Variants in DNAH14 observed in about 807,000 individuals in gnomAD.
The protein encoded by DNAH14 is axonemal beta dynein heavy chain 14.
A neutral mutation model predicts 520.9 loss-of-function variants in DNAH14; 478 were observed. The observed-to-expected ratio is 0.92, with a 90% CI of 0.85 to 0.99. DNAH14 has a LOEUF of 0.99. DNAH14 is among the 50% of genes least tolerant of loss of function. The probability of loss-of-function intolerance (pLI) is 0.00; values close to 1 mark genes in which losing one functional copy is unlikely to be tolerated. For synonymous variants in DNAH14, 1,581 were observed against 1,757.2 expected, an observed-to-expected ratio of 0.90 and a Z score of 2.51; for missense variants, 4,831 against 5,234.5, an observed-to-expected ratio of 0.92 and a Z score of 2.38.
chr1:224,970,669 C>T (rs1041153717), intron 7 of DNAH14, among the ~76,000 whole-genome samples: 2 of 152,192 alleles, frequency 1.3e-5, no homozygotes, highest in Admixed American at 1.3e-4. Flanking sequence ...AAAGAACCTA[C>T]GTGAAATATT....
chr1:225,057,111 A>G (rs1444805492), intron 17 of DNAH14, among the ~76,000 whole-genome samples: 1 of 152,214 alleles, frequency 6.6e-6, no homozygotes, highest in African/African-American at 2.4e-5. Context: ...GAATCTATAA[A>G]TTACCTTGGG....
intron 17 of DNAH14, among the ~76,000 whole-genome samples, chr1:225,061,390 C>T (rs1360283026): frequency 6.6e-6 from 1 of 152,206 alleles, no homozygotes; most frequent in African/African-American, 2.4e-5. Context: ...GGGAGTGACC[C>T]GATTTTCCAG....
intron 7 of DNAH14, 197 bp downstream of exon 7, chr1:224,969,071 G>A (rs897322698): frequency 2.3e-6 from 1 of 429,388 alleles, no homozygotes; most frequent in Non-Finnish European, 4.2e-6. Flanking sequence ...CATTTAAGAA[G>A]CATTTTTCCT....
intron 17 of DNAH14, among the ~76,000 whole-genome samples, chr1:225,061,004 G>A (rs1466751088): frequency 1.3e-5 from 2 of 150,566 alleles, no homozygotes; most frequent in African/African-American, 2.4e-5. Flanking sequence ...CAGATCTCCA[G>A]CTGCATGCTA....
At chr1:225,369,934 T>C (rs1418255292) in intron 77 of DNAH14, among the ~76,000 whole-genome samples, 4 of 152,066 alleles carry the variant, frequency 2.6e-5, no homozygotes, top group African/African-American at 9.7e-5. Context: ...AGCTGTAATC[T>C]CAGCACTTTG....
At position 225,080,406 on chromosome 1, in the gene DNAH14, G is replaced by T; in HGVS notation, c.2794G>T (p.Gly932Cys). Residue 932 changes from glycine (G) to cysteine (C), a missense_variant, in exon 19 of 86, where the codon GGT becomes TGT. Physicochemically the swap from Gly to Cys is radical, Grantham distance 159. Coordinates refer to ENST00000682510, the MANE Select transcript of DNAH14 (RefSeq NM_001367479.1). ...AAGAACTCCTCTTCTGTTATGTGCT[G>T]GTACTCAAGTGTCAACAGCAATGGA... Reference protein sequence around the residue: ...KIRTPLLLCAGTQVSTAMEMI... With the variant: ...KIRTPLLLCACTQVSTAMEMI... The T allele has an allele frequency of 1.3e-6, 2 of 1,546,798 alleles. No individual in the cohort carries two copies.
intron 1 of DNAH14, among the ~76,000 whole-genome samples, chr1:224,945,660 G>A (rs2059758405): frequency 6.6e-6 from 1 of 152,276 alleles, no homozygotes; most frequent in Non-Finnish European, 1.5e-5. Flanking sequence ...ACGTACAGAT[G>A]GGGTTTTGGT....
intron 41 of DNAH14, among the ~76,000 whole-genome samples, chr1:225,226,783 T>C (rs1283509600): frequency 2.0e-5 from 3 of 152,150 alleles, no homozygotes; most frequent in Admixed American, 2.0e-4. Context: ...TATTTATTGA[T>C]CATTATCTCT....
intron 35 of DNAH14, among the ~76,000 whole-genome samples, chr1:225,166,465 C>T (rs947243533): frequency 3.3e-5 from 5 of 152,060 alleles, no homozygotes; most frequent in African/African-American, 2.4e-5. Flanking sequence ...TCACAAAGAT[C>T]GTAATTTAAA....
intron 84 of DNAH14, among the ~76,000 whole-genome samples, chr1:225,395,480 T>C (rs1575186810): frequency 6.6e-6 from 1 of 151,682 alleles, no homozygotes; most frequent in African/African-American, 2.4e-5. Context: ...TAGTCCCAGC[T>C]ACTCGAGAGG....
chr1:224,964,354 C>T (rs937778270), intron 4 of DNAH14, 125 bp from the exon 5 acceptor site: 44 of 1,080,286 alleles, frequency 4.1e-5, no homozygotes, highest in Non-Finnish European at 5.2e-5. Flanking sequence ...CTCTAATAAT[C>T]GTTATGTATA....
intron 64 of DNAH14, among the ~76,000 whole-genome samples, chr1:225,329,675 C>A (rs961226735): frequency 6.6e-6 from 1 of 152,130 alleles, no homozygotes. Flanking sequence ...AGACTTAAAT[C>A]TAAGACCTCA....
intron 41 of DNAH14, among the ~76,000 whole-genome samples, chr1:225,222,364 A>G (rs974161117): frequency 2.0e-5 from 3 of 152,152 alleles, no homozygotes; most frequent in African/African-American, 7.2e-5. Context: ...CAGTGGGTTC[A>G]TGGTCTCGCT....
chr1:225,056,280 A>T (rs959564512), intron 17 of DNAH14, among the ~76,000 whole-genome samples: 6 of 152,134 alleles, frequency 3.9e-5, no homozygotes, highest in South Asian at 2.1e-4. Flanking sequence ...ATTTCTCTGA[A>T]GGCCAGTGAT....
At chr1:225,101,875 A>C (rs2075499618) in intron 23 of DNAH14, among the ~76,000 whole-genome samples, 1 of 151,324 alleles carries the variant, frequency 6.6e-6, no homozygotes, top group South Asian at 2.1e-4. Flanking sequence ...GTATATACCT[A>C]ACAGTGGAAT....
intron 8 of DNAH14, among the ~76,000 whole-genome samples, chr1:224,997,341 T>C (rs1402915723): frequency 1.3e-5 from 2 of 152,150 alleles, no homozygotes; most frequent in African/African-American, 4.8e-5. Flanking sequence ...CCCTGGGAAA[T>C]TTTTTCTTTG....
chr1:225,008,575 CTTTTTT>C (rs57331050), intron 10 of DNAH14, among the ~76,000 whole-genome samples: 9 of 98,320 alleles, frequency 9.2e-5, no homozygotes, highest in Admixed American at 4.0e-4. Context: ...TTTTTCCTGA[CTTTTTT>C]TTTTTTTTTT....
chr1:225,328,192 G>A (rs551805442), intron 64 of DNAH14, among the ~76,000 whole-genome samples: 1 of 152,094 alleles, frequency 6.6e-6, no homozygotes, highest in Non-Finnish European at 1.5e-5. Context: ...AAGAGAAAAT[G>A]CCAAAAACAG....
At position 225,321,433 on chromosome 1, in the gene DNAH14, G is replaced by GA. The variant is rs577886150; in HGVS notation, c.9336-1223dup. Among the ~76,000 whole-genome samples, 7 of 152,012 alleles carry GA rather than the reference G, an allele frequency of 4.6e-5. No individual in the cohort carries two copies. In the East Asian group the frequency reaches 1.4e-3, roughly 29 times the overall value. ...TACTCCTGAAACTAAAATAAAAGTT[G>GA]AAAAAAAATTCTAGTTGTGAAATTC... On this transcript the variant is annotated intron_variant, in intron 61 of 85. Coordinates refer to ENST00000682510, the MANE Select transcript of DNAH14 (RefSeq NM_001367479.1).
Sources: allele counts gnomAD v4.1 joint callset (sites outside exome capture counted in the v4.1 genomes callset), GRCh38; gene constraint gnomAD v4.1.1; transcripts MANE v1.5; gene names NCBI Gene and HGNC (gene_info 2026-07-23, HGNC 2026-07-21).